The following CEP70 variants were observed in gnomAD, a reference collection of about 807,000 sequenced individuals.
The protein encoded by CEP70 is centrosomal protein of 70 kDa.
Under a neutral mutation model 90.9 loss-of-function variants are expected in CEP70, and 70 were observed. That is an observed-to-expected ratio of 0.77 (90% confidence interval 0.64 to 0.94). CEP70 has a LOEUF of 0.94. Ranked by LOEUF, CEP70 falls within the 40% of genes least tolerant of loss-of-function variation. The pLI, the probability that CEP70 is intolerant of heterozygous loss-of-function variation, is 0.00. For missense variants in CEP70, 648 were observed against 669.0 expected, an observed-to-expected ratio of 0.97 and a Z score of 0.35; for synonymous variants, 220 against 228.3, an observed-to-expected ratio of 0.96 and a Z score of 0.33.
chr3:138,573,373 G>A (rs1190563010), intron 2 of CEP70, among the ~76,000 whole-genome samples: 1 of 146,876 alleles, frequency 6.8e-6, no homozygotes, highest in Non-Finnish European at 1.5e-5. Flanking sequence ...TTGCAACTGG[G>A]ATACAGTAAA....
intron 6 of CEP70, among the ~76,000 whole-genome samples, chr3:138,553,314 C>A (rs1338814922): frequency 6.6e-6 from 1 of 152,012 alleles, no homozygotes; most frequent in Non-Finnish European, 1.5e-5. Context: ...CCCGTGTCTA[C>A]TAAAAATACA....
At chr3:138,550,435 C>T (rs1161333172) in intron 6 of CEP70, among the ~76,000 whole-genome samples, 1 of 152,228 alleles carries the variant, frequency 6.6e-6, no homozygotes, top group Admixed American at 6.5e-5. Flanking sequence ...GTGATCTTGG[C>T]TCACTGCAAC....
intron 7 of CEP70, 24 bp from the exon 8 acceptor site, chr3:138,532,594 T>C: frequency 6.9e-7 from 1 of 1,452,740 alleles, no homozygotes; most frequent in Non-Finnish European, 9.1e-7. Context: ...TATTGAATTA[T>C]TTTCAAAATG....
intron 7 of CEP70, among the ~76,000 whole-genome samples, chr3:138,533,836 G>A (rs2107787850): frequency 6.6e-6 from 1 of 152,158 alleles, no homozygotes; most frequent in African/African-American, 2.4e-5. Flanking sequence ...CCAGGCTGGA[G>A]TGCAGTGGCG....
chr3:138,519,422 C>A (rs1189242814), intron 11 of CEP70, among the ~76,000 whole-genome samples: 2 of 152,162 alleles, frequency 1.3e-5, no homozygotes, highest in Admixed American at 6.5e-5. Flanking sequence ...ATGTTAAGGG[C>A]AGCCAGAGAG....
intron 11 of CEP70, among the ~76,000 whole-genome samples, chr3:138,514,375 T>C (rs1418674894): frequency 6.6e-6 from 1 of 152,228 alleles, no homozygotes; most frequent in African/African-American, 2.4e-5. Flanking sequence ...CTTTCTGTCT[T>C]TGCAATATCT....
chr3:138,545,022 A>T (rs1476390742), intron 6 of CEP70, among the ~76,000 whole-genome samples: 2 of 152,238 alleles, frequency 1.3e-5, no homozygotes, highest in African/African-American at 4.8e-5. Context: ...TATTAACAAT[A>T]ATCTATTATA....
At chr3:138,524,423 T>C (rs2036997414) in intron 11 of CEP70, among the ~76,000 whole-genome samples, 1 of 152,100 alleles carries the variant, frequency 6.6e-6, no homozygotes, top group South Asian at 2.1e-4. Flanking sequence ...GAAACTACCA[T>C]CAGAGTGAAC....
intron 10 of CEP70, among the ~76,000 whole-genome samples, chr3:138,526,922 GC>G (rs1261095504): frequency 2.6e-5 from 4 of 152,180 alleles, no homozygotes; most frequent in Middle Eastern, 3.4e-3. Context: ...ATCACTTTGT[GC>G]CTCATAAATA....
chr3:138,564,153 A>C (rs2040612435), intron 6 of CEP70, among the ~76,000 whole-genome samples: 1 of 152,254 alleles, frequency 6.6e-6, no homozygotes, highest in Non-Finnish European at 1.5e-5. Flanking sequence ...ACCAGGAAGA[A>C]GTCAAATCCC....
In CEP70 at chr3:138,571,277, GTTCTT is replaced by G. The variant is rs1249312546; in HGVS notation, c.144_148del (p.Lys48AsnfsTer10). On this transcript the variant is annotated frameshift_variant, in exon 4 of 18. Transcript: ENST00000264982. LOFTEE classifies it high-confidence loss of function. Reference sequence around the variant, plus strand: ...TAGGATCTAATTACCTTTGAGATCTGTTCTTTTGACTAGAGACAAAGGTTTTAAGC... The same window carrying G: ...TAGGATCTAATTACCTTTGAGATCTGTTGACTAGAGACAAAGGTTTTAAGC... The G allele has an allele frequency of 1.9e-6, 3 of 1,607,062 alleles. No homozygotes were observed. In the East Asian group the frequency reaches 6.7e-5, roughly 36 times the overall value.
Position 138,537,231 on chromosome 3 carries a change from G to A in CEP70, c.582C>T (p.Asn194=). Residue 194 remains asparagine, a synonymous_variant, in exon 7 of 18, where the codon AAC becomes AAT. Transcript: ENST00000264982. Reference sequence around the variant, plus strand: ...TTTTGCACAGATAGGCAAACACTCTGTTTTGAGTGACAATGCGATCTTCTT... The same window carrying A: ...TTTTGCACAGATAGGCAAACACTCTATTTTGAGTGACAATGCGATCTTCTT... ...KEEEDRIVTQ[N]RVFAYLCKRV... The A allele has an allele frequency of 1.2e-6, 2 of 1,605,646 alleles. No individual in the cohort carries two copies. Among genetic ancestry groups the A allele is most frequent in the Non-Finnish European group, 1.7e-6 (2 of 1,176,604 alleles).
At chr3:138,507,909 T>C (rs967868747) in intron 12 of CEP70, among the ~76,000 whole-genome samples, 3 of 152,186 alleles carry the variant, frequency 2.0e-5, no homozygotes, top group East Asian at 1.9e-4. Context: ...AAAAATCTTA[T>C]GTGTACCCAA....
intron 6 of CEP70, among the ~76,000 whole-genome samples, chr3:138,557,934 T>C (rs2040137426): frequency 2.0e-5 from 3 of 152,226 alleles, no homozygotes; most frequent in African/African-American, 7.2e-5. Context: ...AGAACTCCTG[T>C]TCTGTAAATA....
chr3:138,540,304 G>A (rs532371728), intron 6 of CEP70, among the ~76,000 whole-genome samples: 131 of 152,054 alleles, frequency 8.6e-4, no homozygotes, highest in African/African-American at 2.9e-3. Context: ...AGACCAGCCC[G>A]GCCAACATGG....
intron 16 of CEP70, 128 bp downstream of exon 16, chr3:138,499,980 CAG>C: frequency 2.9e-6 from 2 of 686,704 alleles, no homozygotes; most frequent in Non-Finnish European, 5.3e-6. Flanking sequence ...CTGCCTTGCT[CAG>C]ACTGGACTTA....
chr3:138,497,413 T>G, intron 17 of CEP70: 25 of 1,136,518 alleles, frequency 2.2e-5, no homozygotes, highest in Non-Finnish European at 2.7e-5. Context: ...TTAAAAATCA[T>G]TCTTAATAGT....
intron 2 of CEP70, among the ~76,000 whole-genome samples, chr3:138,582,018 A>G (rs1284584329): frequency 6.6e-6 from 1 of 152,242 alleles, no homozygotes; most frequent in African/African-American, 2.4e-5. Flanking sequence ...TACGTCAAAC[A>G]TGAATGAGCA....
chr3:138,526,108 G>C (rs999382583), intron 10 of CEP70, among the ~76,000 whole-genome samples: 2 of 151,850 alleles, frequency 1.3e-5, no homozygotes, highest in Admixed American at 6.6e-5. Flanking sequence ...TATATAAATG[G>C]CTTATGCTAG....
Sources: allele counts gnomAD v4.1 joint callset (sites outside exome capture counted in the v4.1 genomes callset), GRCh38; gene constraint gnomAD v4.1.1; transcripts MANE v1.5; gene names NCBI Gene and HGNC (gene_info 2026-07-23, HGNC 2026-07-21).